The following MID1 variants were observed in gnomAD, a reference collection of about 807,000 sequenced individuals.
MID1 encodes the protein midline 1.
Under a neutral mutation model 40.4 loss-of-function variants are expected in MID1, and 7 were observed. That is an observed-to-expected ratio of 0.17 (90% CI 0.10 to 0.33). The LOEUF is 0.33. Ranked by LOEUF, MID1 falls within the 10% of genes least tolerant of loss-of-function variation. The pLI is 1.00. For missense variants in MID1, 367 were observed against 558.5 expected (o/e 0.66, Z 3.46); for synonymous variants, 229 against 221.2 (o/e 1.04, Z -0.31).
chrX:10,762,434 T>C (rs774926141), intron 1 of MID1, among the ~76,000 whole-genome samples: 4 of 110,694 alleles, frequency 3.6e-5, no homozygotes, highest in African/African-American at 9.8e-5. Context: ...TTCCATCTTA[T>C]GGACACATTT....
At chrX:10,629,204 AT>A (rs35720735) in intron 1 of MID1, among the ~76,000 whole-genome samples, 296 of 100,789 alleles carry the variant, frequency 2.9e-3, no homozygotes, top group South Asian at 0.011. Flanking sequence ...CACTTTAATG[AT>A]TTTTTTTTTT....
chrX:10,657,831 G>A (rs2042885347), intron 1 of MID1, among the ~76,000 whole-genome samples: 1 of 112,104 alleles, frequency 8.9e-6, no homozygotes, highest in Non-Finnish European at 1.9e-5. Flanking sequence ...TGACTTTTGG[G>A]TTGTAGGCTA....
intron 1 of MID1, among the ~76,000 whole-genome samples, chrX:10,722,525 C>T (rs2043363711): frequency 8.9e-6 from 1 of 112,260 alleles, no homozygotes; most frequent in South Asian, 3.7e-4. Flanking sequence ...AATACCTTCC[C>T]TGGTTGAGAA....
intron 1 of MID1, among the ~76,000 whole-genome samples, chrX:10,769,807 A>G (rs746619671): frequency 8.5e-4 from 95 of 111,356 alleles, no homozygotes; most frequent in African/African-American, 3.0e-3. Flanking sequence ...TAATTGAGTG[A>G]CGACTACTCT....
intron 1 of MID1, among the ~76,000 whole-genome samples, chrX:10,768,139 G>A (rs1386055582): frequency 5.4e-5 from 6 of 111,315 alleles, no homozygotes; most frequent in Admixed American, 4.8e-4. Context: ...TCTGTGAAAC[G>A]AGTTGTTTTT....
chrX:10,656,748 T>C (rs1342551385), intron 1 of MID1, among the ~76,000 whole-genome samples: 2 of 109,417 alleles, frequency 1.8e-5, no homozygotes, highest in Non-Finnish European at 3.8e-5. Flanking sequence ...ACAGTAGAAG[T>C]AGATGGTGAT....
At chrX:10,572,171 A>C (rs185050538) in intron 1 of MID1, among the ~76,000 whole-genome samples, 51 of 98,976 alleles carry the variant, frequency 5.2e-4, no homozygotes, top group African/African-American at 1.9e-3. Flanking sequence ...CTCTCTCTAT[A>C]TATATATGTA....
chrX:10,712,736 G>A (rs779865279), intron 1 of MID1, among the ~76,000 whole-genome samples: 4 of 111,734 alleles, frequency 3.6e-5, no homozygotes, highest in Non-Finnish European at 7.5e-5. Context: ...CATCACCTGG[G>A]AAATTGTTAG....
chrX:10,522,464 G>C (rs1256905589), intron 3 of MID1, among the ~76,000 whole-genome samples: 1 of 112,329 alleles, frequency 8.9e-6, no homozygotes, highest in Non-Finnish European at 1.9e-5. Context: ...TTCCCAGTTT[G>C]TGGTAATTTG....
intron 4 of MID1, among the ~76,000 whole-genome samples, chrX:10,490,741 T>G (rs1930900561): frequency 8.9e-6 from 1 of 112,227 alleles, no homozygotes; most frequent in Admixed American, 9.4e-5. Context: ...GTAGTTTATA[T>G]GAGAATGAGA....
At chrX:10,682,020 T>C (rs2043064017) in intron 1 of MID1, among the ~76,000 whole-genome samples, 1 of 111,573 alleles carries the variant, frequency 9.0e-6, no homozygotes, top group Admixed American at 9.5e-5. Flanking sequence ...AAAATGTTAA[T>C]ATGAGTTGGG....
chrX:10,817,085 T>G (rs1288001192), intron 1 of MID1, among the ~76,000 whole-genome samples: 1 of 112,263 alleles, frequency 8.9e-6, no homozygotes, highest in Non-Finnish European at 1.9e-5. Context: ...TTATTCTCTA[T>G]GAATGAGAGT....
At chrX:10,471,382 G>A (rs747057052) in intron 6 of MID1, among the ~76,000 whole-genome samples, 16 of 112,250 alleles carry the variant, frequency 1.4e-4, no homozygotes, top group South Asian at 3.7e-4. Context: ...GCAAGTCTAC[G>A]GTATTAAGTC....
At chrX:10,715,138 T>C (rs2043292095) in intron 1 of MID1, among the ~76,000 whole-genome samples, 1 of 112,084 alleles carries the variant, frequency 8.9e-6, no homozygotes, top group Non-Finnish European at 1.9e-5. Context: ...AGACGAATGA[T>C]TTCTGCATTT....
intron 1 of MID1, among the ~76,000 whole-genome samples, chrX:10,802,792 T>C (rs1569174127): frequency 9.0e-6 from 1 of 111,654 alleles, no homozygotes; most frequent in Admixed American, 9.5e-5. Context: ...CTATCAATGG[T>C]GGACTGGATA....
At chrX:10,825,082 G>A (rs1261022918) in intron 1 of MID1, among the ~76,000 whole-genome samples, 1 of 111,990 alleles carries the variant, frequency 8.9e-6, no homozygotes, top group Non-Finnish European at 1.9e-5. Flanking sequence ...AAAGATAAAT[G>A]TGGTTTTATT....
chrX:10,781,415 T>C (rs1049284943), intron 1 of MID1, among the ~76,000 whole-genome samples: 13 of 111,839 alleles, frequency 1.2e-4, no homozygotes, highest in Non-Finnish European at 2.4e-4. Flanking sequence ...CTCACATTGC[T>C]GTTTGTAGGT....
At chrX:10,471,530 G>A (rs1242786678) in intron 6 of MID1, among the ~76,000 whole-genome samples, 1 of 112,257 alleles carries the variant, frequency 8.9e-6, no homozygotes, top group Non-Finnish European at 1.9e-5. Flanking sequence ...TCTGGAATAT[G>A]TATTTGTACA....
intron 1 of MID1, among the ~76,000 whole-genome samples, chrX:10,755,784 C>T (rs1040685426): frequency 8.9e-6 from 1 of 111,751 alleles, no homozygotes; most frequent in Admixed American, 9.5e-5. Context: ...AAGAACAGCC[C>T]GGGGAACTGA....
Sources: allele counts gnomAD v4.1 joint callset (sites outside exome capture counted in the v4.1 genomes callset), GRCh38; gene constraint gnomAD v4.1.1; transcripts MANE v1.5; gene names NCBI Gene and HGNC (gene_info 2026-07-23, HGNC 2026-07-21).